The following CDKL3 variants were observed in gnomAD, a reference collection of about 807,000 sequenced individuals.
The protein encoded by CDKL3 is cyclin-dependent kinase-like 3.
A neutral mutation model predicts 69.3 loss-of-function variants in CDKL3; 65 were observed. The ratio of observed to expected loss-of-function variants is 0.94; its 90% CI spans 0.77 to 1.15. The LOEUF (loss-of-function observed/expected upper bound fraction) is 1.15. CDKL3 is among the 50% of genes most tolerant of loss of function. The pLI, the probability that CDKL3 is intolerant of heterozygous loss-of-function variation, is 0.00. For synonymous variants in CDKL3, 202 were observed against 221.6 expected (o/e 0.91, Z 0.79); for missense variants, 652 against 689.2 (o/e 0.95, Z 0.61).
At chr5:134,359,809 T>C in intron 3 of CDKL3, 88 bp downstream of exon 3, 1 of 862,228 alleles carries the variant, frequency 1.2e-6, no homozygotes, top group South Asian at 1.7e-5. Flanking sequence ...AAAAGAATGT[T>C]AGCCACCTTC....
intron 4 of CDKL3, among the ~76,000 whole-genome samples, chr5:134,322,696 G>T (rs1193787394): frequency 1.3e-5 from 2 of 152,030 alleles, no homozygotes; most frequent in Non-Finnish European, 2.9e-5. Context: ...AAATGATGAG[G>T]TCTGGCTGGA....
Sources: allele counts gnomAD v4.1 joint callset (sites outside exome capture counted in the v4.1 genomes callset), GRCh38; gene constraint gnomAD v4.1.1; transcripts MANE v1.5; gene names NCBI Gene and HGNC (gene_info 2026-07-23, HGNC 2026-07-21).